The following FMN1 variants were observed in gnomAD, a reference collection of about 807,000 sequenced individuals.
FMN1 encodes the protein formin 1.
In FMN1, 110 loss-of-function variants were observed where a neutral mutation model predicts 132.4. The ratio of observed to expected loss-of-function variants is 0.83; its 90% CI spans 0.71 to 0.97. The LOEUF (loss-of-function observed/expected upper bound fraction) is 0.97. Ranked by LOEUF, FMN1 falls within the 50% of genes least tolerant of loss-of-function variation. FMN1 has a pLI of 0.00. For missense variants in FMN1, 1,792 were observed against 1,705.3 expected (o/e 1.05, Z -0.90); for synonymous variants, 722 against 651.7 (o/e 1.11, Z -1.64).
Position 33,104,823 on chromosome 15 carries a change from T to G in FMN1, c.1868-15849A>C, listed in dbSNP as rs529389508. Among the ~76,000 whole-genome samples, 582 of 152,278 alleles carry G rather than the reference T, an allele frequency of 3.8e-3. 6 individuals carry two copies. Among genetic ancestry groups the G allele is most frequent in the African/African-American group, 0.011 (449 of 41,568 alleles). Reference sequence around the variant, plus strand: ...TTTACTAAAGGGATTTGACACTACTTGCTTTGCAGAAATTAAAATATATCA... The same window carrying G: ...TTTACTAAAGGGATTTGACACTACTGGCTTTGCAGAAATTAAAATATATCA... On this transcript the variant is annotated intron_variant, in intron 4 of 20. Transcript: ENST00000616417.
chr15:33,135,454 G>A (rs1465622827), intron 4 of FMN1, among the ~76,000 whole-genome samples: 3 of 152,226 alleles, frequency 2.0e-5, no homozygotes, highest in African/African-American at 7.2e-5. Flanking sequence ...AACCCAGTTA[G>A]GGAGGAGAAT....
intron 7 of FMN1, among the ~76,000 whole-genome samples, chr15:32,996,537 C>T (rs1056279468): frequency 6.6e-6 from 1 of 152,150 alleles, no homozygotes. Flanking sequence ...CTTCCAGAGG[C>T]AGTTCAGTGT....
intron 9 of FMN1, among the ~76,000 whole-genome samples, chr15:32,938,020 G>C (rs955446402): frequency 2.0e-5 from 3 of 152,038 alleles, no homozygotes; most frequent in Non-Finnish European, 4.4e-5. Context: ...GGTGTGAGGA[G>C]AATGTATTGG....
chr15:33,164,479 G>C (rs75417264), intron 3 of FMN1, among the ~76,000 whole-genome samples: 3 of 152,142 alleles, frequency 2.0e-5, no homozygotes, highest in Non-Finnish European at 4.4e-5. Context: ...TTTTGTGTAC[G>C]TTTTTTCATT....
At chr15:33,068,075 A>ATG in intron 5 of FMN1, 2 of 1,401,828 alleles carry the variant, frequency 1.4e-6, no homozygotes, top group Non-Finnish European at 1.9e-6. Flanking sequence ...TTGTGCGATG[A>ATG]TGTGTTCCAG....
intron 5 of FMN1, among the ~76,000 whole-genome samples, chr15:33,065,757 AT>A (rs1431770656): frequency 6.6e-6 from 1 of 152,190 alleles, no homozygotes; most frequent in Non-Finnish European, 1.5e-5. Context: ...TAAGCAAGAA[AT>A]TCTATTTATT....
intron 6 of FMN1, among the ~76,000 whole-genome samples, chr15:33,009,308 G>GT (rs781191066): frequency 1.3e-5 from 2 of 152,294 alleles, no homozygotes; most frequent in East Asian, 1.9e-4. Flanking sequence ...TAGCACCACT[G>GT]TAACTGATGC....
At chr15:32,912,344 A>G (rs1596256357) in intron 10 of FMN1, among the ~76,000 whole-genome samples, 1 of 152,212 alleles carries the variant, frequency 6.6e-6, no homozygotes, top group African/African-American at 2.4e-5. Flanking sequence ...GGGACTGAGA[A>G]CAACCATGGG....
At chr15:32,804,130 G>T in intron 18 of FMN1, 151 bp downstream of exon 18, 1 of 616,212 alleles carries the variant, frequency 1.6e-6, no homozygotes, top group Non-Finnish European at 2.8e-6. Context: ...GGGGAATGGG[G>T]AATTTGTGTT....
intron 15 of FMN1, among the ~76,000 whole-genome samples, chr15:32,891,177 A>T (rs2060019307): frequency 6.6e-6 from 1 of 152,184 alleles, no homozygotes; most frequent in Admixed American, 6.5e-5. Flanking sequence ...AGGTAGTGTG[A>T]TGCCTCCAAA....
rs1265171354 is a variant in FMN1 at position 32,770,587 on chromosome 15, C to CA, written c.*3722dup. The CA allele has an allele frequency of 1.3e-5, 2 of 152,198 alleles. No individual in the cohort carries two copies. The highest frequency in any genetic ancestry group is 3.9e-4 in the East Asian group (2 of 5,188). The allele number at this position is 152,198 out of a possible 1,614,324, so 9.4% of individuals were successfully genotyped here. ...CCTTCAGTTTTTCCAGTTTCTTTACCAGCAGTATCTGAACTTTTCATTTAG... is the reference window on the plus strand; with the variant it reads ...CCTTCAGTTTTTCCAGTTTCTTTACCAAGCAGTATCTGAACTTTTCATTTAG... On this transcript the variant is annotated 3_prime_UTR_variant, in exon 21 of 21. Transcript: ENST00000616417.
chr15:33,001,606 C>A (rs2034117002), intron 7 of FMN1, among the ~76,000 whole-genome samples: 1 of 139,612 alleles, frequency 7.2e-6, no homozygotes, highest in Admixed American at 7.1e-5. Flanking sequence ...CCTCCCTCCT[C>A]CTCGAGTTTA....
At chr15:32,895,865 G>A (rs1279604890) in intron 15 of FMN1, among the ~76,000 whole-genome samples, 1 of 151,934 alleles carries the variant, frequency 6.6e-6, no homozygotes, top group Non-Finnish European at 1.5e-5. Flanking sequence ...ATTTTAATTA[G>A]GAATTGAAGT....
chr15:32,872,368 A>G (rs1424420342), intron 16 of FMN1, among the ~76,000 whole-genome samples: 1 of 152,214 alleles, frequency 6.6e-6, no homozygotes, highest in Non-Finnish European at 1.5e-5. Flanking sequence ...GTGCAAGACA[A>G]TGGTTAAAAG....
chr15:33,151,509 G>A (rs1446480812), intron 4 of FMN1: 8 of 881,822 alleles, frequency 9.1e-6, no homozygotes, highest in Middle Eastern at 3.4e-4. Flanking sequence ...TGCTCTGTGT[G>A]CCTGCCTTGA....
At chr15:32,865,163 A>G (rs1231811970) in intron 16 of FMN1, among the ~76,000 whole-genome samples, 1 of 152,126 alleles carries the variant, frequency 6.6e-6, no homozygotes, top group Non-Finnish European at 1.5e-5. Context: ...TTCCTTTTGG[A>G]GTAATAAAAA....
intron 3 of FMN1, among the ~76,000 whole-genome samples, chr15:33,155,319 C>A (rs144986392): frequency 2.0e-5 from 3 of 152,288 alleles, no homozygotes; most frequent in Non-Finnish European, 4.4e-5. Context: ...CACTGTGCAG[C>A]CTGGATCAGG....
chr15:33,135,459 G>A (rs1193241230), intron 4 of FMN1, among the ~76,000 whole-genome samples: 1 of 152,192 alleles, frequency 6.6e-6, no homozygotes, highest in African/African-American at 2.4e-5. Context: ...AGTTAGGGAG[G>A]AGAATGTCTG....
At chr15:33,105,507 A>T (rs148498725) in intron 4 of FMN1, among the ~76,000 whole-genome samples, 3,044 of 152,264 alleles carry the variant, frequency 0.02, 61 homozygotes, top group South Asian at 0.092. Flanking sequence ...TCTTCACCAA[A>T]GAATCCAGAC....
Sources: allele counts gnomAD v4.1 joint callset (sites outside exome capture counted in the v4.1 genomes callset), GRCh38; gene constraint gnomAD v4.1.1; transcripts MANE v1.5; gene names NCBI Gene and HGNC (gene_info 2026-07-23, HGNC 2026-07-21).